The following ZNF385D variants were observed in gnomAD, a reference collection of about 807,000 sequenced individuals.
ZNF385D encodes zinc finger protein 385D, also known as zinc finger protein 659.
ZNF385D carries 15 observed loss-of-function variants against 35.8 expected under a neutral mutation model. The ratio of observed to expected loss-of-function variants is 0.42; its 90% CI spans 0.28 to 0.64. The LOEUF (loss-of-function observed/expected upper bound fraction) is 0.64, where lower values mean the gene tolerates loss of function less well. Ranked by LOEUF, ZNF385D falls within the 30% of genes least tolerant of loss-of-function variation. The pLI is 0.23. For missense variants in ZNF385D, 474 were observed against 494.6 expected, an observed-to-expected ratio of 0.96 and a Z score of 0.39; for synonymous variants, 212 against 186.8, an observed-to-expected ratio of 1.13 and a Z score of -1.10.
At chr3:22,038,679 A>T (rs899288695) in intron 3 of ZNF385D, among the ~76,000 whole-genome samples, 7 of 152,062 alleles carry the variant, frequency 4.6e-5, no homozygotes, top group African/African-American at 1.7e-4. Context: ...ATTCTTTTGG[A>T]TCTAATAAAC....
chr3:21,885,154 T>C (rs1390724400), intron 3 of ZNF385D, among the ~76,000 whole-genome samples: 1 of 152,050 alleles, frequency 6.6e-6, no homozygotes, highest in Non-Finnish European at 1.5e-5. Flanking sequence ...ATATCATATA[T>C]GCAGCTGTTA....
chr3:21,901,893 G>C (rs1012834185), intron 3 of ZNF385D, among the ~76,000 whole-genome samples: 1 of 152,168 alleles, frequency 6.6e-6, no homozygotes, highest in Non-Finnish European at 1.5e-5. Context: ...AGACACAGAA[G>C]AGCGTTCAGT....
intron 3 of ZNF385D, among the ~76,000 whole-genome samples, chr3:21,890,180 G>T: frequency 6.6e-6 from 1 of 152,110 alleles, no homozygotes; most frequent in East Asian, 1.9e-4. Flanking sequence ...TTATGTGCAG[G>T]TTATATAAGC....
chr3:22,107,564 T>C lies in ZNF385D; in HGVS notation c.325+61253A>G, dbSNP rs527783726. Among the ~76,000 whole-genome samples the C allele has an allele frequency of 2.0e-5, 3 of 152,236 alleles. No homozygotes were observed. In the South Asian group the frequency reaches 6.2e-4, roughly 32 times the overall value. The stretch of plus-strand genomic sequence containing the variant: ...TAGGAACCTAACCTGAGATGACTTC[T>C]TTAGTGACTACAAATTACATAATTT... On this transcript the variant is annotated intron_variant, in intron 3 of 5. Coordinates refer to the ZNF385D transcript ENST00000494108.
rs1576291795 is a variant in ZNF385D, at chr3:22,084,986, A to G, written c.325+83831T>C. On this transcript the variant is annotated intron_variant, in intron 3 of 5. Transcript: ENST00000494108. ...GCTCCTGAATGACTACCGGGTAAAT[A>G]ATGAAATGAAGGCAGAAATAAAGAT... is the stretch of plus-strand genomic sequence containing the variant. Among the ~76,000 whole-genome samples, 3 of 152,338 alleles carry G rather than the reference A, an allele frequency of 2.0e-5. No homozygotes were observed. In the East Asian group the frequency reaches 5.8e-4, roughly 29 times the overall value.
chr3:22,273,621 T>C (rs1701285078), intron 2 of ZNF385D, among the ~76,000 whole-genome samples: 1 of 151,926 alleles, frequency 6.6e-6, no homozygotes, highest in South Asian at 2.1e-4. Context: ...ACAAAAAGGG[T>C]AAAATCATGA....
chr3:22,011,830 T>C (rs1473051767), intron 3 of ZNF385D, among the ~76,000 whole-genome samples: 1 of 152,160 alleles, frequency 6.6e-6, no homozygotes, highest in Non-Finnish European at 1.5e-5. Flanking sequence ...GAAATTCCAA[T>C]GGATATCTAT....
intron 3 of ZNF385D, among the ~76,000 whole-genome samples, chr3:22,158,457 T>C (rs1705730118): frequency 1.3e-5 from 2 of 152,108 alleles, no homozygotes; most frequent in Admixed American, 1.3e-4. Context: ...CACTATTTTA[T>C]TCTTAACAAG....
At chr3:21,997,930 TA>T (rs144030147) in intron 3 of ZNF385D, among the ~76,000 whole-genome samples, 1,827 of 147,534 alleles carry the variant, frequency 0.012, 44 homozygotes, top group African/African-American at 0.042. Context: ...AGAGAGAAAT[TA>T]GGGGAGAAAT....
chr3:22,322,494 T>C (rs2125447226), intron 2 of ZNF385D, among the ~76,000 whole-genome samples: 1 of 152,330 alleles, frequency 6.6e-6, no homozygotes, highest in East Asian at 1.9e-4. Flanking sequence ...GGCAGAATTT[T>C]ATAAGGTTTC....
chr3:22,195,524 T>C (rs1364442968), intron 2 of ZNF385D, among the ~76,000 whole-genome samples: 1 of 152,078 alleles, frequency 6.6e-6, no homozygotes, highest in Non-Finnish European at 1.5e-5. Flanking sequence ...AAAGATTTTC[T>C]CGTATATGTT....
At position 21,981,922 on chromosome 3, in the gene ZNF385D, A is replaced by G. The variant is rs112561663; in HGVS notation, c.325+186895T>C. On this transcript the variant is annotated intron_variant, in intron 3 of 5. Coordinates refer to the ZNF385D transcript ENST00000494108. Reference sequence around the variant, plus strand: ...TTTCTATCCTTTTCCATTGGTTTACATGCCTGTTTTTGTACTAGTACCATG... The same window carrying G: ...TTTCTATCCTTTTCCATTGGTTTACGTGCCTGTTTTTGTACTAGTACCATG... Among the ~76,000 whole-genome samples the G allele has an allele frequency of 1.6e-4, 24 of 152,120 alleles. 1 individual carries two copies. The highest frequency in any genetic ancestry group is 4.8e-4 in the African/African-American group (20 of 41,506).
intron 3 of ZNF385D, among the ~76,000 whole-genome samples, chr3:21,971,568 G>C (rs1211027935): frequency 1.3e-5 from 2 of 150,222 alleles, no homozygotes; most frequent in African/African-American, 4.9e-5. Flanking sequence ...AGAAGGAAGA[G>C]ATGGCCAAAA....
At chr3:21,457,410 C>T (rs1702893157) in intron 4 of ZNF385D, among the ~76,000 whole-genome samples, 1 of 151,962 alleles carries the variant, frequency 6.6e-6, no homozygotes, top group Admixed American at 6.6e-5. Flanking sequence ...GGCTGGAGTG[C>T]AATGGCATGA....
intron 3 of ZNF385D, among the ~76,000 whole-genome samples, chr3:21,873,772 C>T (rs1006535711): frequency 2.0e-5 from 3 of 152,056 alleles, no homozygotes; most frequent in African/African-American, 7.2e-5. Flanking sequence ...CTTAGCATAA[C>T]GTTTTCAAGG....
chr3:22,128,083 C>T (rs977907282), intron 3 of ZNF385D, among the ~76,000 whole-genome samples: 3 of 152,184 alleles, frequency 2.0e-5, no homozygotes, highest in Admixed American at 2.0e-4. Flanking sequence ...TTGATAAAAT[C>T]TCTCAGCTTT....
intron 3 of ZNF385D, among the ~76,000 whole-genome samples, chr3:21,906,495 C>T (rs553868600): frequency 1.2e-4 from 19 of 152,266 alleles, no homozygotes; most frequent in African/African-American, 1.7e-4. Context: ...CCTGAAAGAA[C>T]GGAGAACTTT....
chr3:21,733,838 G>C (rs1049977627), intron 1 of ZNF385D, among the ~76,000 whole-genome samples: 4 of 152,054 alleles, frequency 2.6e-5, no homozygotes, highest in Non-Finnish European at 5.9e-5. Flanking sequence ...TTATTTAAGA[G>C]TTTCTGTTTT....
At chr3:21,786,514 T>C (rs1483886674) in intron 3 of ZNF385D, among the ~76,000 whole-genome samples, 1 of 152,242 alleles carries the variant, frequency 6.6e-6, no homozygotes, top group Admixed American at 6.5e-5. Context: ...AATTTTGTTC[T>C]CATTTTCAGT....
Sources: gnomAD v4.1 joint callset for allele counts (sites outside exome capture counted in the v4.1 genomes callset) on GRCh38, gnomAD v4.1.1 for gene constraint, MANE v1.5 for transcripts, NCBI Gene and HGNC (gene_info 2026-07-23, HGNC 2026-07-21) for gene names.